WDR72: variants seen among roughly 807,000 people sequenced by gnomAD.
WDR72 encodes the protein WD repeat domain 72.
WDR72 carries 120 observed loss-of-function variants against 124.2 expected under a neutral mutation model. The ratio of observed to expected loss-of-function variants is 0.97; its 90% confidence interval spans 0.83 to 1.12. WDR72 has a LOEUF of 1.12. Among genes scored for constraint, WDR72 ranks in the 50% most tolerant of loss-of-function variants. The probability of loss-of-function intolerance (pLI) is 0.00; values close to 1 mark genes in which losing one functional copy is unlikely to be tolerated. For missense variants in WDR72, 1,387 were observed against 1,278.8 expected (o/e 1.08, Z -1.29); for synonymous variants, 452 against 441.7 (o/e 1.02, Z -0.29).
chr15:53,641,756 C>T (rs1171986072), intron 14 of WDR72, among the ~76,000 whole-genome samples: 2 of 151,542 alleles, frequency 1.3e-5, no homozygotes, highest in Non-Finnish European at 3.0e-5. Context: ...ATTTTAATTC[C>T]ATTGTACATT....
intron 13 of WDR72, among the ~76,000 whole-genome samples, chr15:53,679,475 C>T (rs922650841): frequency 1.3e-5 from 2 of 152,148 alleles, no homozygotes; most frequent in Non-Finnish European, 2.9e-5. Flanking sequence ...AGAAGTAGGG[C>T]AGTCTGAGAA....
At chr15:53,539,431 AAGC>A (rs1036796182) in intron 18 of WDR72, among the ~76,000 whole-genome samples, 3 of 152,096 alleles carry the variant, frequency 2.0e-5, no homozygotes, top group African/African-American at 7.2e-5. Flanking sequence ...AGTGCATAAA[AAGC>A]AGGATAAGCT....
chr15:53,553,942 T>C (rs1893832123), intron 18 of WDR72, among the ~76,000 whole-genome samples: 1 of 152,188 alleles, frequency 6.6e-6, no homozygotes, highest in Non-Finnish European at 1.5e-5. Context: ...AAATTTTCAT[T>C]ATTGCTTTTG....
intron 17 of WDR72, among the ~76,000 whole-genome samples, chr15:53,597,644 G>T (rs2012841796): frequency 6.6e-6 from 1 of 152,030 alleles, no homozygotes; most frequent in African/African-American, 2.4e-5. Flanking sequence ...TAAAGACAAG[G>T]TTAGATCCTC....
In WDR72 at chr15:53,758,734, A is replaced by G. The variant is rs543332358; in HGVS notation, c.-13+899T>C. Among the ~76,000 whole-genome samples the G allele has an allele frequency of 1.3e-4, 15 of 116,774 alleles. No individual in the cohort carries two copies. The South Asian group carries it at 4.8e-3, about 37-fold the overall frequency. 76.6% of individuals were successfully genotyped at this position (116,774 alleles called of 152,430 possible). A position where few individuals can be genotyped will look rare whatever the true frequency, so the allele number is the denominator to read the frequency against. ...TCCCCAACAGGTGACCTAGTCTCCA[A>G]TCGGTGACCTTGAAGTCATTTAACA... is the stretch of plus-strand genomic sequence containing the variant. On this transcript the variant is annotated intron_variant, in intron 1 of 19. Transcript: ENST00000360509.
chr15:53,727,478 T>C (rs941846352), intron 2 of WDR72, among the ~76,000 whole-genome samples: 4 of 152,176 alleles, frequency 2.6e-5, no homozygotes, highest in African/African-American at 9.7e-5. Flanking sequence ...TCAGACTAAC[T>C]TTTTAGTGCT....
At position 53,676,911 on chromosome 15, in the gene WDR72, C is replaced by T. The variant is rs569704391; in HGVS notation, c.1766-11143G>A. 2.5e-4 allele frequency among the ~76,000 whole-genome samples: 37 copies of T among 147,784 alleles called. No homozygotes were observed. The East Asian group carries it at 5.5e-3, about 22-fold the overall frequency. On this transcript the variant is annotated intron_variant, in intron 13 of 19. Transcript: ENST00000360509. ...TTTAGTCATTCTTTACTATTTTATA[C>T]GTGAAATTCTTGCTTTTTTTTTTTT...
At chr15:53,674,559 A>C (rs2016099883) in intron 13 of WDR72, among the ~76,000 whole-genome samples, 1 of 152,180 alleles carries the variant, frequency 6.6e-6, no homozygotes, top group Non-Finnish European at 1.5e-5. Context: ...AAATAATGGA[A>C]GGGTGGGGAA....
At chr15:53,554,741 C>A (rs879894961) in intron 18 of WDR72, among the ~76,000 whole-genome samples, 2 of 152,070 alleles carry the variant, frequency 1.3e-5, no homozygotes, top group Non-Finnish European at 2.9e-5. Context: ...AAAAATGACA[C>A]CTTATGTATG....
chr15:53,561,728 T>C (rs1054986531), intron 18 of WDR72, among the ~76,000 whole-genome samples: 5 of 151,844 alleles, frequency 3.3e-5, no homozygotes, highest in African/African-American at 1.2e-4. Flanking sequence ...CTAAACTCTG[T>C]CTGCATTTTA....
At chr15:53,705,822 A>C (rs1345810237) in intron 10 of WDR72, 105 bp downstream of exon 10, 3 of 1,391,082 alleles carry the variant, frequency 2.2e-6, no homozygotes, top group East Asian at 2.3e-5. Flanking sequence ...GTACACAATA[A>C]ATTTTTCTTG....
intron 18 of WDR72, among the ~76,000 whole-genome samples, chr15:53,552,257 T>TA (rs1893761734): frequency 6.6e-6 from 1 of 152,066 alleles, no homozygotes; most frequent in South Asian, 2.1e-4. Flanking sequence ...AGTTGTAACT[T>TA]TAACTGTTTA....
At chr15:53,590,169 T>C (rs2012424522) in intron 18 of WDR72, among the ~76,000 whole-genome samples, 2 of 152,086 alleles carry the variant, frequency 1.3e-5, no homozygotes, top group South Asian at 4.1e-4. Flanking sequence ...TTAAAATTAA[T>C]CTACACAAAT....
intron 13 of WDR72, among the ~76,000 whole-genome samples, chr15:53,674,726 G>A (rs1205025168): frequency 6.6e-6 from 1 of 152,108 alleles, no homozygotes; most frequent in African/African-American, 2.4e-5. Flanking sequence ...AACTTAGATT[G>A]GCGTCACATC....
chr15:53,613,839 G>T, intron 15 of WDR72, 82 bp from the exon 16 acceptor site: 2 of 876,344 alleles, frequency 2.3e-6, no homozygotes, highest in South Asian at 2.8e-5. Flanking sequence ...ATGGGTACAT[G>T]ACCACTTTAG....
intron 2 of WDR72, among the ~76,000 whole-genome samples, chr15:53,728,112 G>T (rs2018095182): frequency 6.6e-6 from 1 of 152,190 alleles, no homozygotes; most frequent in African/African-American, 2.4e-5. Flanking sequence ...ACAAAAGAAA[G>T]AAGTTTAATG....
intron 1 of WDR72, among the ~76,000 whole-genome samples, chr15:53,753,932 C>T (rs552129272): frequency 3.9e-5 from 6 of 152,246 alleles, no homozygotes; most frequent in South Asian, 4.1e-4. Context: ...GATTACATCC[C>T]TAGATTTGTA....
At chr15:53,610,386 T>C (rs2013487281) in intron 16 of WDR72, among the ~76,000 whole-genome samples, 1 of 152,032 alleles carries the variant, frequency 6.6e-6, no homozygotes, top group Non-Finnish European at 1.5e-5. Flanking sequence ...GTCTATTATC[T>C]AGGTGCCAGA....
At chr15:53,756,630 A>G (rs1332052153) in intron 1 of WDR72, 1 of 152,168 alleles carries the variant, frequency 6.6e-6, no homozygotes, top group East Asian at 1.9e-4. Context: ...AGAGAGAGGA[A>G]AAGTCAGTGT....
Sources: gnomAD v4.1 joint callset for allele counts (sites outside exome capture counted in the v4.1 genomes callset) on GRCh38, gnomAD v4.1.1 for gene constraint, MANE v1.5 for transcripts, NCBI Gene and HGNC (gene_info 2026-07-23, HGNC 2026-07-21) for gene names.